CNTNAP4: variants seen among roughly 807,000 people sequenced by gnomAD.
CNTNAP4 encodes the protein contactin-associated protein-like 4.
In CNTNAP4, 98 loss-of-function variants were observed where a neutral mutation model predicts 148.4. The observed-to-expected ratio is 0.66, with a 90% CI of 0.56 to 0.78. The LOEUF (loss-of-function observed/expected upper bound fraction) is 0.78. Among genes scored for constraint, CNTNAP4 ranks in the 30% least tolerant of loss-of-function variants. The pLI, the probability that CNTNAP4 is intolerant of heterozygous loss-of-function variation, is 0.00. For synonymous variants in CNTNAP4, 730 were observed against 565.1 expected (o/e 1.29, Z -4.14); for missense variants, 1,935 against 1,565.6 (o/e 1.24, Z -3.98).
At chr16:76,333,389 C>A (rs1963714164) in intron 2 of CNTNAP4, among the ~76,000 whole-genome samples, 1 of 152,220 alleles carries the variant, frequency 6.6e-6, no homozygotes, top group Non-Finnish European at 1.5e-5. Flanking sequence ...CTAGTGAATT[C>A]ATTTCAGTTG....
intron 3 of CNTNAP4, among the ~76,000 whole-genome samples, chr16:76,401,776 C>T (rs562370173): frequency 6.6e-6 from 1 of 152,212 alleles, no homozygotes; most frequent in Non-Finnish European, 1.5e-5. Flanking sequence ...TATTAAAAGC[C>T]TTTTCCACAT....
intron 15 of CNTNAP4, among the ~76,000 whole-genome samples, chr16:76,515,865 A>G (rs2083227035): frequency 6.6e-6 from 1 of 152,124 alleles, no homozygotes; most frequent in South Asian, 2.1e-4. Context: ...TCACTCATAC[A>G]CTGCTGGTAG....
chr16:76,406,250 C>G (rs562208466), intron 3 of CNTNAP4, among the ~76,000 whole-genome samples: 2 of 152,094 alleles, frequency 1.3e-5, no homozygotes, highest in East Asian at 3.9e-4. Flanking sequence ...TTTGATGTTA[C>G]TATTGTAATA....
chr16:76,553,962 T>C, intron 23 of CNTNAP4, 55 bp downstream of exon 23: 2 of 1,113,576 alleles, frequency 1.8e-6, no homozygotes, highest in Non-Finnish European at 2.7e-6. Flanking sequence ...ATAATGATGA[T>C]GAATATTTAG....
At chr16:76,520,594 A>G (rs1321054569) in intron 15 of CNTNAP4, among the ~76,000 whole-genome samples, 1 of 152,162 alleles carries the variant, frequency 6.6e-6, no homozygotes, top group Non-Finnish European at 1.5e-5. Flanking sequence ...AGTAAGCTGC[A>G]TGTTGGTTTG....
rs779626016 is a variant in CNTNAP4 at position 76,495,021 on chromosome 16, T to C, written c.2192T>C (p.Ile731Thr). The C allele has an allele frequency of 1.9e-5, 30 of 1,613,432 alleles. No individual in the cohort carries two copies. The highest frequency in any genetic ancestry group is 3.3e-4 in the Middle Eastern group (2 of 6,076). ...ACTTGTGGATTAGAGGGAAACTGCATTGATTCTCAGTATTACTGCAATTGT... is the reference window on the plus strand; with the variant it reads ...ACTTGTGGATTAGAGGGAAACTGCACTGATTCTCAGTATTACTGCAATTGT... ...KCTCGLEGNC[I>T]DSQYYCNCDA... The change falls in exon 14 of 24, where the codon ATT (isoleucine) becomes ACT (threonine). Residue 731 changes from isoleucine (I) to threonine (T), a missense_variant. By Grantham distance (89) the Ile-to-Thr change is moderately conservative (BLOSUM62 -1). Transcript: ENST00000611870.
chr16:76,413,683 T>C (rs2078880309), intron 3 of CNTNAP4, among the ~76,000 whole-genome samples: 1 of 151,336 alleles, frequency 6.6e-6, no homozygotes, highest in Admixed American at 6.6e-5. Context: ...CAAACATTGG[T>C]TTGAATTTGG....
intron 3 of CNTNAP4, among the ~76,000 whole-genome samples, chr16:76,419,558 T>C (rs1204604201): frequency 1.3e-5 from 2 of 151,986 alleles, no homozygotes; most frequent in East Asian, 1.9e-4. Context: ...AAAATTATCA[T>C]AGAAGTTTTC....
At chr16:76,326,899 T>C (rs1567715846) in intron 2 of CNTNAP4, among the ~76,000 whole-genome samples, 1 of 151,802 alleles carries the variant, frequency 6.6e-6, no homozygotes, top group East Asian at 1.9e-4. Flanking sequence ...TGTATACATA[T>C]GTAACAAACC....
At chr16:76,290,685 A>C (rs1041630382) in intron 1 of CNTNAP4, among the ~76,000 whole-genome samples, 1 of 152,194 alleles carries the variant, frequency 6.6e-6, no homozygotes, top group African/African-American at 2.4e-5. Flanking sequence ...TGACCAAGGC[A>C]TTCTACCAGT....
chr16:76,299,609 T>C (rs994609742), intron 1 of CNTNAP4, among the ~76,000 whole-genome samples: 6 of 152,078 alleles, frequency 3.9e-5, no homozygotes, highest in Non-Finnish European at 8.8e-5. Flanking sequence ...GATCTAGAAC[T>C]AGAAATACCA....
intron 2 of CNTNAP4, among the ~76,000 whole-genome samples, chr16:76,340,582 C>G (rs996506519): frequency 1.3e-5 from 2 of 152,106 alleles, no homozygotes; most frequent in African/African-American, 4.8e-5. Flanking sequence ...CAAGTCCTGC[C>G]AATTCTACCT....
chr16:76,557,636 A>T (rs1239367896), intron 23 of CNTNAP4: 1 of 152,162 alleles, frequency 6.6e-6, no homozygotes, highest in Non-Finnish European at 1.5e-5. Context: ...TACTTCATGA[A>T]TTCAATGATT....
chr16:76,392,781 A>G (rs528644771), intron 3 of CNTNAP4, among the ~76,000 whole-genome samples: 1 of 152,344 alleles, frequency 6.6e-6, no homozygotes, highest in East Asian at 1.9e-4. Context: ...AAGCTTGAAC[A>G]TGTCCTCATT....
chr16:76,412,026 G>T (rs2078816639), intron 3 of CNTNAP4, among the ~76,000 whole-genome samples: 1 of 151,196 alleles, frequency 6.6e-6, no homozygotes. Context: ...TGCTTATTTT[G>T]AATTATATAC....
At chr16:76,408,362 ACAG>A in intron 3 of CNTNAP4, among the ~76,000 whole-genome samples, 1 of 141,870 alleles carries the variant, frequency 7.0e-6, no homozygotes, top group African/African-American at 3.1e-5. Context: ...TTAACAATTA[ACAG>A]TTGTTAATCT....
chr16:76,489,941 T>G, intron 13 of CNTNAP4, 58 bp downstream of exon 13: 1 of 1,171,880 alleles, frequency 8.5e-7, no homozygotes, highest in Non-Finnish European at 1.1e-6. Flanking sequence ...CTTACTCAAC[T>G]AGCTCCTGAG....
intron 8 of CNTNAP4, among the ~76,000 whole-genome samples, chr16:76,460,490 G>A (rs1379192577): frequency 1.3e-4 from 19 of 150,074 alleles, no homozygotes; most frequent in Non-Finnish European, 1.6e-4. Flanking sequence ...GGCCAGGCGC[G>A]GTGGCTCACG....
At chr16:76,286,911 A>G (rs1424846222) in intron 1 of CNTNAP4, among the ~76,000 whole-genome samples, 2 of 152,186 alleles carry the variant, frequency 1.3e-5, no homozygotes, top group Non-Finnish European at 2.9e-5. Context: ...AATTCTATCT[A>G]AATTGGTGAT....
Sources: gnomAD v4.1 joint callset for allele counts (sites outside exome capture counted in the v4.1 genomes callset) on GRCh38, gnomAD v4.1.1 for gene constraint, MANE v1.5 for transcripts, NCBI Gene and HGNC (gene_info 2026-07-23, HGNC 2026-07-21) for gene names.